CUX1: variants seen among roughly 807,000 people sequenced by gnomAD.
CUX1 encodes cut like homeobox 1.
In CUX1, 31 loss-of-function variants were observed where a neutral mutation model predicts 158.8. The ratio of observed to expected loss-of-function variants is 0.20; its 90% CI spans 0.15 to 0.26. CUX1 has a LOEUF of 0.26. CUX1 is among the 10% of genes least tolerant of loss of function. CUX1 has a pLI of 1.00. For missense variants in CUX1, 1,589 were observed against 2,014.6 expected (o/e 0.79, Z 4.04); for synonymous variants, 879 against 862.1 (o/e 1.02, Z -0.34).
intron 23 of CUX1, among the ~76,000 whole-genome samples, chr7:102,247,526 A>G (rs1554537347): frequency 1.3e-5 from 2 of 152,156 alleles, no homozygotes; most frequent in Non-Finnish European, 2.9e-5. Context: ...GAAACGTGTC[A>G]CTCGATAAGA....
intron 1 of CUX1, among the ~76,000 whole-genome samples, chr7:101,885,905 G>T (rs913864488): frequency 6.6e-6 from 1 of 152,182 alleles, no homozygotes; most frequent in Non-Finnish European, 1.5e-5. Flanking sequence ...CAAGCTCACA[G>T]GGCGGATGCT....
intron 20 of CUX1, among the ~76,000 whole-genome samples, chr7:102,219,971 G>A (rs568709486): frequency 6.6e-6 from 1 of 152,332 alleles, no homozygotes; most frequent in African/African-American, 2.4e-5. Flanking sequence ...CCATGGTTGA[G>A]GAAAGCCTTG....
chr7:102,241,055 AGTGATCC>A (rs1800153264), intron 23 of CUX1, among the ~76,000 whole-genome samples: 1 of 152,068 alleles, frequency 6.6e-6, no homozygotes, highest in African/African-American at 2.4e-5. Context: ...CCTGACCTCA[AGTGATCC>A]GCCTGCCTCG....
chr7:101,963,384 A>T (rs1403614888), intron 2 of CUX1, among the ~76,000 whole-genome samples: 1 of 152,120 alleles, frequency 6.6e-6, no homozygotes, highest in East Asian at 1.9e-4. Context: ...CCAGCATGTG[A>T]TGTTGAATGA....
chr7:102,109,501 T>G (rs1830679108), intron 6 of CUX1, among the ~76,000 whole-genome samples: 1 of 152,130 alleles, frequency 6.6e-6, no homozygotes, highest in African/African-American at 2.4e-5. Context: ...ACAAGAAAAG[T>G]GGCCAGGCGA....
intron 4 of CUX1, among the ~76,000 whole-genome samples, chr7:102,081,032 C>T (rs1160401937): frequency 6.6e-5 from 10 of 152,174 alleles, no homozygotes; most frequent in Admixed American, 6.5e-4. Flanking sequence ...CTGGCCACTT[C>T]GCTACTCCCC....
intron 14 of CUX1, 84 bp downstream of exon 14, chr7:102,195,687 C>A: frequency 3.2e-6 from 4 of 1,258,610 alleles, no homozygotes; most frequent in South Asian, 1.4e-5. Context: ...AATCGTGAGT[C>A]TGGACAGATG....
intron 7 of CUX1, among the ~76,000 whole-genome samples, chr7:102,112,652 CT>C (rs1831057077): frequency 6.6e-6 from 1 of 151,756 alleles, no homozygotes. Flanking sequence ...TCACTGAAAC[CT>C]TTACCTCTGT....
intron 1 of CUX1, among the ~76,000 whole-genome samples, chr7:101,911,355 T>C (rs2129076003): frequency 6.6e-6 from 1 of 152,182 alleles, no homozygotes; most frequent in African/African-American, 2.4e-5. Context: ...GCCTTGGCCC[T>C]CCAGTGGATG....
chr7:102,063,452 G>A (rs112713106), intron 3 of CUX1, among the ~76,000 whole-genome samples: 3,520 of 127,780 alleles, frequency 0.028, 79 homozygotes, highest in Non-Finnish European at 0.039. Flanking sequence ...GCAATGGCAC[G>A]ATCTTGGCTC....
intron 17 of CUX1, among the ~76,000 whole-genome samples, chr7:102,275,967 G>A (rs569638103): frequency 2.7e-5 from 4 of 150,088 alleles, no homozygotes; most frequent in Admixed American, 1.3e-4. Context: ...TGATGAGATC[G>A]TGCCACTGCA....
chr7:101,895,775 G>A (rs533083935), intron 1 of CUX1, among the ~76,000 whole-genome samples: 7 of 152,252 alleles, frequency 4.6e-5, no homozygotes, highest in South Asian at 2.1e-4. Flanking sequence ...TTTTCAGCGA[G>A]GCAGGGAGAA....
Position 102,208,531 on chromosome 7 carries a change from G to A in CUX1, c.3130+3361G>A, listed in dbSNP as rs577536192. 2.0e-4 allele frequency among the ~76,000 whole-genome samples: 30 copies of A among 152,318 alleles called. No homozygotes were observed. The South Asian group carries it at 5.6e-3, about 28-fold the overall frequency. ...GCTGGGATTATAGGCATGAGCCACC[G>A]TGCCCCACCTAGTATATGGAATTTA... On this transcript the variant is annotated intron_variant, in intron 20 of 23. Coordinates refer to ENST00000292535, the MANE Select transcript of CUX1 (RefSeq NM_181552.4).
chr7:101,970,452 C>G lies in CUX1; in HGVS notation c.141+54227C>G, dbSNP rs113499747. 9.9e-5 allele frequency among the ~76,000 whole-genome samples: 15 copies of G among 152,274 alleles called. 3 individuals are homozygous for G. Among genetic ancestry groups the G allele is most frequent in the African/African-American group, 2.9e-4 (12 of 41,544 alleles). On this transcript the variant is annotated intron_variant, in intron 2 of 23. Coordinates refer to ENST00000292535, the MANE Select transcript of CUX1 (RefSeq NM_181552.4). ...TTCATGTGGGGCTGGCCAAACCCCACCGAGGTTTGCACACACCCCAGGATT... is the reference window on the plus strand; with the variant it reads ...TTCATGTGGGGCTGGCCAAACCCCAGCGAGGTTTGCACACACCCCAGGATT...
chr7:101,853,048 T>C (rs565509583), intron 1 of CUX1, among the ~76,000 whole-genome samples: 7 of 152,304 alleles, frequency 4.6e-5, no homozygotes, highest in African/African-American at 1.2e-4. Context: ...TTGCATACCA[T>C]GCATTTTGGT....
chr7:102,020,509 A>C (rs900673459), intron 2 of CUX1, among the ~76,000 whole-genome samples: 2 of 152,254 alleles, frequency 1.3e-5, no homozygotes, highest in African/African-American at 2.4e-5. Context: ...CGTGACATCC[A>C]GGAAAATAAA....
intron 1 of CUX1, among the ~76,000 whole-genome samples, chr7:101,843,786 G>T (rs539569542): frequency 2.7e-4 from 41 of 152,164 alleles, no homozygotes; most frequent in African/African-American, 9.9e-4. Flanking sequence ...TGTGGCCCTC[G>T]GGTGTGCAGA....
intron 1 of CUX1, among the ~76,000 whole-genome samples, chr7:101,840,439 T>C (rs932099628): frequency 3.3e-5 from 5 of 152,224 alleles, no homozygotes; most frequent in African/African-American, 1.2e-4. Context: ...TTTTTTGGTA[T>C]AAATAGGCGT....
At chr7:102,260,736 T>C (rs528761008), downstream of CUX1, among the ~76,000 whole-genome samples, 19 of 152,228 alleles carry the variant, frequency 1.2e-4, 2 homozygotes, top group South Asian at 3.9e-3. Context: ...GTTCCTTATT[T>C]GATGCTCTGA....
Sources: allele counts gnomAD v4.1 joint callset (sites outside exome capture counted in the v4.1 genomes callset), GRCh38; gene constraint gnomAD v4.1.1; transcripts MANE v1.5; gene names NCBI Gene and HGNC (gene_info 2026-07-23, HGNC 2026-07-21).